The following CNOT9 variants were observed in gnomAD, a reference collection of about 807,000 sequenced individuals.
The protein encoded by CNOT9 is RCD1 required for cell differentiation1 homolog.
CNOT9 carries 8 observed loss-of-function variants against 37.4 expected under a neutral mutation model. The observed-to-expected ratio is 0.21, with a 90% CI of 0.13 to 0.39. The LOEUF (loss-of-function observed/expected upper bound fraction) is 0.39. Ranked by LOEUF, CNOT9 falls within the 10% of genes least tolerant of loss-of-function variation. CNOT9 has a pLI of 1.00. For synonymous variants in CNOT9, 120 were observed against 137.6 expected (o/e 0.87, Z 0.90); for missense variants, 154 against 365.3 (o/e 0.42, Z 4.71).
chr2:218,584,056 G>A (rs183153347), intron 3 of CNOT9, among the ~76,000 whole-genome samples: 1 of 152,340 alleles, frequency 6.6e-6, no homozygotes, highest in Admixed American at 6.5e-5. Flanking sequence ...CTATTATTCA[G>A]TCATAGGTGA....
chr2:218,582,918 G>T (rs544071409), intron 2 of CNOT9, 53 bp from the exon 3 acceptor site: 24 of 983,930 alleles, frequency 2.4e-5, no homozygotes, highest in African/African-American at 1.6e-4. Context: ...ATTACCATGG[G>T]AATTAATTTT....
At position 218,595,285 on chromosome 2, in the gene CNOT9, T is replaced by C. The variant is rs117488723; in HGVS notation, c.*1009T>C. 6.6e-6 allele frequency: 1 copy of C among 152,240 alleles called. No homozygotes were observed. The highest frequency in any genetic ancestry group is 1.9e-4 in the East Asian group (1 of 5,190). 9.4% of individuals were successfully genotyped at this position (152,240 alleles called of 1,614,324 possible). A position where few individuals can be genotyped will look rare whatever the true frequency, so the allele number is the denominator to read the frequency against. ...TGACAGTCCACTTGATCCTTTTCTT[T>C]GTTTTAGTGTGAATTTCAGCAGCTC... is the stretch of plus-strand genomic sequence containing the variant. On this transcript the variant is annotated 3_prime_UTR_variant, in exon 8 of 8. Coordinates refer to ENST00000273064, the MANE Select transcript of CNOT9 (RefSeq NM_005444.3).
intron 1 of CNOT9, among the ~76,000 whole-genome samples, chr2:218,571,768 A>G (rs2106076845): frequency 8.0e-6 from 1 of 124,380 alleles, no homozygotes; most frequent in African/African-American, 3.2e-5. Flanking sequence ...TATTTTTAGT[A>G]GAGATGGGGT....
chr2:218,591,763 AAAAG>A (rs941548680), intron 5 of CNOT9, among the ~76,000 whole-genome samples: 1 of 152,036 alleles, frequency 6.6e-6, no homozygotes, highest in Non-Finnish European at 1.5e-5. Context: ...AAGAAAAGAA[AAAAG>A]AAAGAAAGGC....
At chr2:218,571,691 C>T (rs1693998178) in intron 1 of CNOT9, among the ~76,000 whole-genome samples, 3 of 151,016 alleles carry the variant, frequency 2.0e-5, no homozygotes, top group African/African-American at 4.9e-5. Flanking sequence ...CCTGCCTCAA[C>T]CTCCCAAGTA....
intron 1 of CNOT9, among the ~76,000 whole-genome samples, chr2:218,578,983 G>A (rs1694273770): frequency 6.6e-6 from 1 of 152,170 alleles, no homozygotes; most frequent in African/African-American, 2.4e-5. Context: ...TCAAAGGGAT[G>A]TAGTTAGAGA....
At chr2:218,579,126 A>G (rs1356797968) in intron 1 of CNOT9, among the ~76,000 whole-genome samples, 1 of 152,208 alleles carries the variant, frequency 6.6e-6, no homozygotes, top group Non-Finnish European at 1.5e-5. Context: ...CTCAAAAACT[A>G]TTATATGCAT....
intron 1 of CNOT9, among the ~76,000 whole-genome samples, chr2:218,577,925 C>A (rs1415760017): frequency 6.6e-6 from 1 of 152,172 alleles, no homozygotes; most frequent in Non-Finnish European, 1.5e-5. Context: ...GGGCAGGAAA[C>A]CTAACACTAA....
rs1296538575 is a variant in CNOT9, at chr2:218,592,601, T to C, written c.640-15T>C. ...GTGTTTTTTCCAACCCCTCCCCTTA[T>C]TTTGGGGGAAACAGGGTAAGATGGT... On this transcript the variant is annotated splice_polypyrimidine_tract_variant and intron_variant, in intron 6 of 7. Coordinates refer to ENST00000273064, the MANE Select transcript of CNOT9 (RefSeq NM_005444.3). This position sits in a 1 kb window ranked among gnomAD's most constrained non-coding sequence, Gnocchi z 4.1. The C allele has an allele frequency of 1.9e-6, 3 of 1,613,104 alleles. No homozygotes were observed. The highest frequency in any genetic ancestry group is 2.5e-6 in the Non-Finnish European group (3 of 1,179,046).
intron 5 of CNOT9, among the ~76,000 whole-genome samples, chr2:218,591,647 G>A (rs955916928): frequency 6.6e-6 from 1 of 152,008 alleles, no homozygotes; most frequent in Non-Finnish European, 1.5e-5. Flanking sequence ...GGAGGCTGAG[G>A]CAGGAGAATC....
chr2:218,569,406 T>A (rs1693877490), intron 1 of CNOT9, among the ~76,000 whole-genome samples: 1 of 152,178 alleles, frequency 6.6e-6, no homozygotes, highest in Non-Finnish European at 1.5e-5. Context: ...ACCACTTGCT[T>A]TATTTATGGA....
intron 1 of CNOT9, 117 bp from the exon 2 acceptor site, chr2:218,580,443 AT>A: frequency 1.2e-6 from 1 of 812,152 alleles, no homozygotes; most frequent in Non-Finnish European, 1.9e-6. Flanking sequence ...AAATGTATGT[AT>A]TTAGAAACGC....
intron 1 of CNOT9, among the ~76,000 whole-genome samples, chr2:218,570,371 G>A (rs934361044): frequency 6.6e-6 from 1 of 152,214 alleles, no homozygotes; most frequent in African/African-American, 2.4e-5. Flanking sequence ...GTATGACTAA[G>A]CTATAGAAAA....
At chr2:218,587,496 G>T in intron 4 of CNOT9, 90 bp from the exon 5 acceptor site, 1 of 1,347,374 alleles carries the variant, frequency 7.4e-7, no homozygotes, top group Non-Finnish European at 9.6e-7. Context: ...TGTTATTTAA[G>T]TTCACAACTC....
At chr2:218,578,138 T>C (rs1482029104) in intron 1 of CNOT9, among the ~76,000 whole-genome samples, 1 of 152,248 alleles carries the variant, frequency 6.6e-6, no homozygotes, top group East Asian at 1.9e-4. Flanking sequence ...ATATTCCTTC[T>C]ATCATATTGT....
intron 2 of CNOT9, chr2:218,581,170 C>CCTT: frequency 8.1e-6 from 2 of 246,100 alleles, no homozygotes; most frequent in Non-Finnish European, 8.3e-6. Flanking sequence ...GTTTGTTTTT[C>CCTT]TTTTTTTTTT....
chr2:218,580,829 GGAGGAT>G, intron 2 of CNOT9, 89 bp downstream of exon 2: 2 of 1,231,664 alleles, frequency 1.6e-6, no homozygotes, highest in Non-Finnish European at 2.3e-6. Context: ...GAAGACTTTA[GGAGGAT>G]GATTCTTTAA....
chr2:218,575,861 G>C (rs981359287), intron 1 of CNOT9, among the ~76,000 whole-genome samples: 3 of 152,176 alleles, frequency 2.0e-5, no homozygotes, highest in African/African-American at 7.2e-5. Flanking sequence ...TGTGCTACTA[G>C]ATTGAGTTCC....
At chr2:218,582,924 A>G in intron 2 of CNOT9, 47 bp from the exon 3 acceptor site, 1 of 1,070,704 alleles carries the variant, frequency 9.3e-7, no homozygotes, top group Non-Finnish European at 1.4e-6. Flanking sequence ...ATGGGAATTA[A>G]TTTTTAGTTA....
Sources: allele counts gnomAD v4.1 joint callset (sites outside exome capture counted in the v4.1 genomes callset), GRCh38; gene constraint gnomAD v4.1.1; non-coding constraint Gnocchi (gnomAD v3.1); transcripts MANE v1.5; gene names NCBI Gene and HGNC (gene_info 2026-07-23, HGNC 2026-07-21).